Variants in SEC14L4 observed in about 807,000 individuals in gnomAD.
The protein encoded by SEC14L4 is SEC14-like protein 4.
Under a neutral mutation model 55.1 loss-of-function variants are expected in SEC14L4, and 42 were observed. That is an observed-to-expected ratio of 0.76 (90% confidence interval 0.60 to 0.99). The LOEUF is 0.99. Ranked by LOEUF, SEC14L4 falls within the 50% of genes least tolerant of loss-of-function variation. The pLI is 0.00. For synonymous variants in SEC14L4, 206 were observed against 206.8 expected (o/e 1.00, Z 0.03); for missense variants, 445 against 512.1 (o/e 0.87, Z 1.27).
In SEC14L4 at chr22:30,489,870, C is replaced by T. The variant is rs1569239217; in HGVS notation, c.*237G>A. 6.4e-7 allele frequency: 1 copy of T among 1,551,754 alleles called. No individual in the cohort carries two copies. Among genetic ancestry groups the T allele is most frequent in the Admixed American group, 2.0e-5 (1 of 51,010 alleles). The stretch of plus-strand genomic sequence containing the variant: ...TCATCTTCAGCGTTCTCATTCTCAG[C>T]CGCATTCTCTGGGAACAGGGAAAGA... On this transcript the variant is annotated 3_prime_UTR_variant, in exon 12 of 12. Coordinates refer to ENST00000255858, the MANE Select transcript of SEC14L4 (RefSeq NM_174977.4).
rs1327895240 is a variant in SEC14L4 at position 30,494,178 on chromosome 22, C to T, written c.552G>A (p.Glu184=). 1.2e-6 allele frequency: 2 copies of T among 1,613,866 alleles called. No individual in the cohort carries two copies. Among genetic ancestry groups the T allele is most frequent in the Admixed American group, 1.7e-5 (1 of 60,002 alleles). The change falls in exon 7 of 12, where the codon GAG becomes GAA. Residue 184 remains glutamate, a synonymous_variant. Transcript: ENST00000255858. Reference sequence around the variant, plus strand: ...GAATAACAATTAAATTCTTCAGGGTCTCAGGATAATTTGCTTCCAGGATGC... The same window carrying T: ...GAATAACAATTAAATTCTTCAGGGTTTCAGGATAATTTGCTTCCAGGATGC... ...FFSILEANYP[E]TLKNLIVIRA...
chr22:30,495,875 T>C (rs1366589602), intron 3 of SEC14L4, 53 bp downstream of exon 3: 1 of 1,595,942 alleles, frequency 6.3e-7, no homozygotes, highest in South Asian at 1.1e-5. Flanking sequence ...TTGCAGCAAA[T>C]CCCTGGGTCA....
At chr22:30,501,609 G>A (rs2146199525) in intron 2 of SEC14L4, among the ~76,000 whole-genome samples, 1 of 152,114 alleles carries the variant, frequency 6.6e-6, no homozygotes, top group South Asian at 2.1e-4. Flanking sequence ...TGGGATCCTG[G>A]AAGAGAAAAA....
chr22:30,497,715 A>G (rs1367727720), intron 2 of SEC14L4, among the ~76,000 whole-genome samples: 1 of 152,144 alleles, frequency 6.6e-6, no homozygotes, highest in East Asian at 1.9e-4. Flanking sequence ...TCTCTTGTCA[A>G]TGTGGCAATT....
At chr22:30,504,957 C>T (rs1006711956) in intron 1 of SEC14L4, among the ~76,000 whole-genome samples, 2 of 151,976 alleles carry the variant, frequency 1.3e-5, no homozygotes, top group African/African-American at 4.8e-5. Flanking sequence ...TATGGTGAAA[C>T]CCCGTCTCTA....
chr22:30,490,215 C>G lies in SEC14L4; in HGVS notation c.1113G>C (p.Arg371=). The change falls in exon 12 of 12, where the codon CGG becomes CGC. Residue 371 remains arginine, a synonymous_variant. Transcript: ENST00000255858. ...YVLRFDNTYS[R]MHAKKLSYTV... ...TGTAGCTGAGCTTCTTGGCATGCAT[C>G]CGGCTGTAGGTGTTGTCGAAGCGCA... 1 of 1,614,050 alleles carries G rather than the reference C, an allele frequency of 6.2e-7. No individual in the cohort carries two copies. Among genetic ancestry groups the G allele is most frequent in the Non-Finnish European group, 8.5e-7 (1 of 1,180,024 alleles).
intron 2 of SEC14L4, 135 bp from the exon 3 acceptor site, chr22:30,496,106 T>C (rs1373715510): frequency 1.8e-5 from 12 of 665,014 alleles, no homozygotes; most frequent in African/African-American, 3.6e-5. Context: ...CATCTAGAAA[T>C]GGTTGTTTGT....
chr22:30,496,068 T>C (rs1936140727), intron 2 of SEC14L4, 97 bp from the exon 3 acceptor site: 2 of 861,492 alleles, frequency 2.3e-6, no homozygotes, highest in Admixed American at 4.7e-5. Flanking sequence ...TCCCCAGCCT[T>C]TTCCTGACAC....
intron 2 of SEC14L4, among the ~76,000 whole-genome samples, chr22:30,501,321 T>C (rs1168574461): frequency 1.3e-5 from 2 of 152,186 alleles, no homozygotes; most frequent in African/African-American, 4.8e-5. Flanking sequence ...ATCCTTTTTC[T>C]TTCCTATGAC....
At position 30,491,988 on chromosome 22, in the gene SEC14L4, G is replaced by A. The variant is rs1335844062; in HGVS notation, c.772-15C>T. On this transcript the variant is annotated splice_polypyrimidine_tract_variant and intron_variant, in intron 9 of 11. Coordinates refer to ENST00000255858, the MANE Select transcript of SEC14L4 (RefSeq NM_174977.4). ...CCATAGTTGATCTGTGGGTGAAGGG[G>A]GTGTGTGGGCACTAGATCACAGCTT... 6.2e-7 allele frequency: 1 copy of A among 1,613,808 alleles called. No homozygotes were observed. Among genetic ancestry groups the A allele is most frequent in the Non-Finnish European group, 8.5e-7 (1 of 1,179,894 alleles).
chr22:30,492,785 A>G, intron 7 of SEC14L4: 1 of 489,814 alleles, frequency 2.0e-6, no homozygotes, highest in South Asian at 2.5e-5. Flanking sequence ...CCTGGCTTTC[A>G]ATAAATGGTT....
chr22:30,495,503 C>T, intron 4 of SEC14L4, 61 bp from the exon 5 acceptor site: 4 of 1,608,520 alleles, frequency 2.5e-6, no homozygotes, highest in Non-Finnish European at 2.6e-6. Context: ...CCTACTCCAT[C>T]AGGTGGCTGG....
intron 1 of SEC14L4, among the ~76,000 whole-genome samples, chr22:30,503,973 T>C (rs1936414836): frequency 6.6e-6 from 1 of 152,104 alleles, no homozygotes; most frequent in Non-Finnish European, 1.5e-5. Flanking sequence ...CCCTACACAC[T>C]GGACTCCCAT....
Position 30,495,573 on chromosome 22 carries a change from C to G in SEC14L4, c.234+10G>C. 1 of 1,613,804 alleles carries G rather than the reference C, an allele frequency of 6.2e-7. No homozygotes were observed. The highest frequency in any genetic ancestry group is 8.5e-7 in the Non-Finnish European group (1 of 1,179,944). On this transcript the variant is annotated intron_variant, in intron 4 of 11. Coordinates refer to ENST00000255858, the MANE Select transcript of SEC14L4 (RefSeq NM_174977.4). ...CTCAGATGGCCTGGGGGATGCTGCT[C>G]GAGGCTCACCTCAGGGGGCTGCCAT...
intron 10 of SEC14L4, 45 bp from the exon 11 acceptor site, chr22:30,491,787 A>C (rs770597975): frequency 6.2e-7 from 1 of 1,612,180 alleles, no homozygotes; most frequent in African/African-American, 1.3e-5. Context: ...CCTGGGCTCC[A>C]GGCCCCTCCC....
rs1185310791 is a variant in SEC14L4, at chr22:30,489,958, T to C, written c.*149A>G. On this transcript the variant is annotated 3_prime_UTR_variant, in exon 12 of 12. Transcript: ENST00000255858. Reference sequence around the variant, plus strand: ...GTGGCCCCTTCCTGCTTGGCCACTGTGCCAGGTGAGCCTACAATGAGATGA... The same window carrying C: ...GTGGCCCCTTCCTGCTTGGCCACTGCGCCAGGTGAGCCTACAATGAGATGA... 1.3e-6 allele frequency: 2 copies of C among 1,552,428 alleles called. No individual in the cohort carries two copies. The highest frequency in any genetic ancestry group is 2.7e-5 in the African/African-American group (2 of 73,108).
intron 2 of SEC14L4, among the ~76,000 whole-genome samples, chr22:30,497,700 T>C (rs1936194526): frequency 6.6e-6 from 1 of 152,128 alleles, no homozygotes; most frequent in South Asian, 2.1e-4. Context: ...AACAAATACA[T>C]GTTATCTCTT....
intron 11 of SEC14L4, among the ~76,000 whole-genome samples, chr22:30,491,222 T>C (rs1935939623): frequency 6.6e-6 from 1 of 152,138 alleles, no homozygotes; most frequent in African/African-American, 2.4e-5. Flanking sequence ...AGTCACCTCT[T>C]TGGGACTCCT....
chr22:30,495,039 C>A, intron 5 of SEC14L4, 78 bp from the exon 6 acceptor site: 1 of 1,291,642 alleles, frequency 7.7e-7, no homozygotes, highest in Non-Finnish European at 1.1e-6. Context: ...GGGCACCTCT[C>A]CCCACCTTCC....
Sources: gnomAD v4.1 joint callset for allele counts (sites outside exome capture counted in the v4.1 genomes callset) on GRCh38, gnomAD v4.1.1 for gene constraint, MANE v1.5 for transcripts, NCBI Gene and HGNC (gene_info 2026-07-23, HGNC 2026-07-21) for gene names.